Variants in NPIPB11 observed in about 807,000 individuals in gnomAD.
The protein encoded by NPIPB11 is nuclear pore complex interacting protein family member B11.
Under a neutral mutation model 32.8 loss-of-function variants are expected in NPIPB11, and 17 were observed. The ratio of observed to expected loss-of-function variants is 0.52; its 90% CI spans 0.35 to 0.78. The LOEUF (loss-of-function observed/expected upper bound fraction) is 0.78, where lower values mean the gene tolerates loss of function less well. NPIPB11 is among the 30% of genes least tolerant of loss of function. NPIPB11 has a pLI of 0.01. For missense variants in NPIPB11, 537 were observed against 1,000.4 expected (o/e 0.54, Z 6.25); for synonymous variants, 209 against 398.4 (o/e 0.52, Z 5.66).
chr16:29,402,726 G>GTCTC (rs1567276666), intron 2 of NPIPB11, among the ~76,000 whole-genome samples: 1 of 103,288 alleles, frequency 9.7e-6, no homozygotes, highest in South Asian at 3.2e-4. Flanking sequence ...CTCTCTCTCT[G>GTCTC]TGTGTGTGTG....
At chr16:29,402,942 A>C (rs974013219) in intron 2 of NPIPB11, among the ~76,000 whole-genome samples, 5 of 147,308 alleles carry the variant, frequency 3.4e-5, no homozygotes, top group African/African-American at 1.3e-4. Context: ...GTTGTAAAAT[A>C]AATGTGATGT....
In NPIPB11 at chr16:29,394,084, A is replaced by G; in HGVS notation, c.121-8T>C. The G allele has an allele frequency of 1.3e-6, 2 of 1,595,078 alleles. No homozygotes were observed. The highest frequency in any genetic ancestry group is 1.7e-6 in the Non-Finnish European group (2 of 1,178,308). Reference sequence around the variant, plus strand: ...AGCCAGAGTATTGATAACCTGGAATAATAATAGTTGAAATAATGAAAAGGT... The same window carrying G: ...AGCCAGAGTATTGATAACCTGGAATGATAATAGTTGAAATAATGAAAAGGT... On this transcript the variant is annotated splice_polypyrimidine_tract_variant and splice_region_variant and intron_variant, in intron 2 of 7. Coordinates refer to ENST00000524087, the Ensembl canonical transcript of NPIPB11.
chr16:29,397,225 T>G lies in NPIPB11; in HGVS notation c.121-3149A>C, dbSNP rs546039073. 6.9e-4 allele frequency among the ~76,000 whole-genome samples: 104 copies of G among 150,594 alleles called. 1 individual carries two copies. Among genetic ancestry groups the G allele is most frequent in the African/African-American group, 2.5e-3 (101 of 40,956 alleles). ...ACACAAATCAAATGACATTTCACTTTGTTTTGGTCCACTTTGTTTGTTAGA... is the reference window on the plus strand; with the variant it reads ...ACACAAATCAAATGACATTTCACTTGGTTTTGGTCCACTTTGTTTGTTAGA... On this transcript the variant is annotated intron_variant, in intron 2 of 7. Coordinates refer to ENST00000524087, the Ensembl canonical transcript of NPIPB11.
exon 8 of NPIPB11, chr16:29,383,344 C>T: frequency 6.9e-7 from 1 of 1,445,298 alleles, no homozygotes; most frequent in Non-Finnish European, 9.0e-7. Flanking sequence ...GAGGGTGGAG[C>T]TGAGGGTGGA....
intron 5 of NPIPB11, among the ~76,000 whole-genome samples, chr16:29,389,208 A>G (rs1452964241): frequency 8.7e-6 from 1 of 114,474 alleles, no homozygotes; most frequent in Non-Finnish European, 2.0e-5. Flanking sequence ...AAAAAAAAAA[A>G]AAAAAAATTG....
upstream of NPIPB11, among the ~76,000 whole-genome samples, chr16:29,406,572 T>A (rs1444604601): frequency 1.3e-5 from 2 of 152,184 alleles, no homozygotes; most frequent in Non-Finnish European, 2.9e-5. Context: ...AAATTAGCCA[T>A]GCCTGGTGGC....
rs557090014 is a variant in NPIPB11, at chr16:29,401,709, G to C, written c.120+1974C>G. 3.3e-5 allele frequency among the ~76,000 whole-genome samples: 5 copies of C among 152,252 alleles called. No individual in the cohort carries two copies. The East Asian group carries it at 9.7e-4, about 29-fold the overall frequency. ...CAAGAGATGTGAGTGGAAGTGAAGT[G>C]TGTCACCTCGAGGCAAGAGTTGGGA... On this transcript the variant is annotated intron_variant, in intron 2 of 7. Coordinates refer to ENST00000524087, the Ensembl canonical transcript of NPIPB11.
chr16:29,382,262 T>C, exon 8 of NPIPB11: 1 of 1,602,804 alleles, frequency 6.2e-7, no homozygotes, highest in Non-Finnish European at 8.5e-7. Flanking sequence ...CCGCTGAGGG[T>C]GGAAGCGGAA....
At chr16:29,397,292 C>T (rs1963881047) in intron 2 of NPIPB11, among the ~76,000 whole-genome samples, 1 of 151,906 alleles carries the variant, frequency 6.6e-6, no homozygotes, top group Non-Finnish European at 1.5e-5. Flanking sequence ...CTGCAACGTC[C>T]AGCTCCTGGG....
upstream of NPIPB11, among the ~76,000 whole-genome samples, chr16:29,405,756 T>A (rs1414771218): frequency 6.6e-6 from 1 of 152,176 alleles, no homozygotes; most frequent in Non-Finnish European, 1.5e-5. Flanking sequence ...AGTCCAAGAA[T>A]GCCTCCTACA....
chr16:29,401,982 C>A (rs1234306336), intron 2 of NPIPB11, among the ~76,000 whole-genome samples: 1 of 151,350 alleles, frequency 6.6e-6, no homozygotes, highest in Non-Finnish European at 1.5e-5. Flanking sequence ...CTACCCCACA[C>A]TCTGTGATGC....
intron 5 of NPIPB11, among the ~76,000 whole-genome samples, chr16:29,388,963 G>A (rs1963636235): frequency 7.0e-6 from 1 of 141,860 alleles, no homozygotes; most frequent in Non-Finnish European, 1.5e-5. Context: ...TTGGGAGGCC[G>A]AGGTGTGCGG....
chr16:29,400,049 C>G (rs1383976448), intron 2 of NPIPB11, among the ~76,000 whole-genome samples: 2 of 151,882 alleles, frequency 1.3e-5, no homozygotes, highest in African/African-American at 4.8e-5. Context: ...TCCACTCCAG[C>G]CTGGGTGACA....
chr16:29,393,989 T>C (rs775636862), exon 3 of NPIPB11: 1 of 1,599,332 alleles, frequency 6.3e-7, no homozygotes, highest in African/African-American at 1.3e-5. Context: ...ACTTTATAAC[T>C]TGTCGGAAAC....
intron 2 of NPIPB11, among the ~76,000 whole-genome samples, chr16:29,399,684 C>T (rs920718546): frequency 4.0e-5 from 6 of 151,708 alleles, no homozygotes; most frequent in Middle Eastern, 6.9e-3. Context: ...GGAGACAGAG[C>T]GAGACTCTGT....
intron 2 of NPIPB11, among the ~76,000 whole-genome samples, chr16:29,396,918 G>T (rs1331287142): frequency 6.6e-6 from 1 of 151,892 alleles, no homozygotes; most frequent in Non-Finnish European, 1.5e-5. Flanking sequence ...GGGAGGCTGA[G>T]GCAGGCGGAT....
At chr16:29,404,787 C>T (rs1224398670), upstream of NPIPB11, among the ~76,000 whole-genome samples, 4 of 146,288 alleles carry the variant, frequency 2.7e-5, no homozygotes, top group African/African-American at 5.1e-5. Flanking sequence ...GTCACCTGTG[C>T]CAGCCCTGTG....
chr16:29,394,162 A>G, intron 2 of NPIPB11, 86 bp from the exon 3 acceptor site: 2 of 1,446,724 alleles, frequency 1.4e-6, no homozygotes, highest in Non-Finnish European at 1.9e-6. Context: ...GAAACCGTCA[A>G]CCTCCTCCAA....
chr16:29,402,724 C>CTCTCTCTCTCTG (rs1449821025), intron 2 of NPIPB11, among the ~76,000 whole-genome samples: 42 of 119,672 alleles, frequency 3.5e-4, no homozygotes, highest in South Asian at 1.4e-3. Flanking sequence ...CTCTCTCTCT[C>CTCTCTCTCTCTG]TGTGTGTGTG....
Sources: allele counts gnomAD v4.1 joint callset (sites outside exome capture counted in the v4.1 genomes callset), GRCh38; gene constraint gnomAD v4.1.1; transcripts MANE v1.5; gene names NCBI Gene and HGNC (gene_info 2026-07-23, HGNC 2026-07-21).